NXPH1: variants seen among roughly 807,000 people sequenced by gnomAD.
NXPH1 encodes neurexophilin-1.
Under a neutral mutation model 23.7 loss-of-function variants are expected in NXPH1, and 5 were observed. The ratio of observed to expected loss-of-function variants is 0.21; its 90% confidence interval spans 0.11 to 0.44. NXPH1 has a LOEUF of 0.44. Among genes scored for constraint, NXPH1 ranks in the 20% least tolerant of loss-of-function variants. NXPH1 has a pLI of 0.99. For synonymous variants in NXPH1, 144 were observed against 122.2 expected, an observed-to-expected ratio of 1.18 and a Z score of -1.18; for missense variants, 324 against 321.6, an observed-to-expected ratio of 1.01 and a Z score of -0.06.
At chr7:8,715,676 G>A (rs190443848) in intron 2 of NXPH1, among the ~76,000 whole-genome samples, 10 of 152,288 alleles carry the variant, frequency 6.6e-5, no homozygotes, top group African/African-American at 2.2e-4. Flanking sequence ...GAGCCACTAG[G>A]GTTGTGGAGA....
At chr7:8,481,634 A>C (rs966755672) in intron 2 of NXPH1, among the ~76,000 whole-genome samples, 1 of 152,182 alleles carries the variant, frequency 6.6e-6, no homozygotes, top group Non-Finnish European at 1.5e-5. Flanking sequence ...CAAAATAAAA[A>C]TGCTTTATCT....
intron 2 of NXPH1, among the ~76,000 whole-genome samples, chr7:8,651,394 C>T (rs1820490726): frequency 7.7e-6 from 1 of 130,412 alleles, no homozygotes; most frequent in Non-Finnish European, 1.6e-5. Context: ...GGGTTGGTTC[C>T]AAGTCTTTGC....
At chr7:8,494,680 C>T (rs1194112795) in intron 2 of NXPH1, among the ~76,000 whole-genome samples, 1 of 152,074 alleles carries the variant, frequency 6.6e-6, no homozygotes, top group Non-Finnish European at 1.5e-5. Context: ...TTGTGCAGTA[C>T]AACCAATTGG....
chr7:8,697,143 G>A (rs1779541132), intron 2 of NXPH1, among the ~76,000 whole-genome samples: 1 of 128,894 alleles, frequency 7.8e-6, no homozygotes. Context: ...GGGTGACAGG[G>A]AAAGATTCTG....
rs2128603331 is a variant in NXPH1, at chr7:8,435,540, G to C, written c.-110-64G>C. ...CTCCCCGCTACGACCCCCTTTCCCC[G>C]CTTGATTGTCAAGCCTAACCTTGCC... On this transcript the variant is annotated intron_variant, in intron 1 of 2. Coordinates refer to ENST00000405863, the MANE Select transcript of NXPH1 (RefSeq NM_152745.3). This position sits in a 1 kb window ranked among gnomAD's most constrained non-coding sequence, Gnocchi z 5.9. 19 of 479,532 alleles carry C rather than the reference G, an allele frequency of 4.0e-5. No homozygotes were observed. The highest frequency in any genetic ancestry group is 1.5e-4 in the South Asian group (5 of 32,652). 29.7% of individuals were successfully genotyped at this position (479,532 alleles called of 1,614,324 possible).
intron 2 of NXPH1, among the ~76,000 whole-genome samples, chr7:8,724,459 C>G (rs369215131): frequency 1.3e-5 from 2 of 152,316 alleles, no homozygotes; most frequent in African/African-American, 4.8e-5. Context: ...CCACAGTGCT[C>G]AAGGTAAAAC....
At chr7:8,548,423 T>G (rs1818227921) in intron 2 of NXPH1, among the ~76,000 whole-genome samples, 1 of 151,564 alleles carries the variant, frequency 6.6e-6, no homozygotes. Context: ...TGACAGCCAC[T>G]ATTAGGTTAT....
At chr7:8,552,254 T>C (rs2128619777) in intron 2 of NXPH1, among the ~76,000 whole-genome samples, 1 of 151,516 alleles carries the variant, frequency 6.6e-6, no homozygotes. Flanking sequence ...CAAATAATGT[T>C]CCTATGCAAT....
chr7:8,601,466 G>A (rs779105129), intron 2 of NXPH1, among the ~76,000 whole-genome samples: 4 of 152,126 alleles, frequency 2.6e-5, no homozygotes, highest in Admixed American at 6.6e-5. Flanking sequence ...AGTTCTCAGC[G>A]CTCTCTACCT....
At chr7:8,489,306 G>C (rs17149720) in intron 2 of NXPH1, among the ~76,000 whole-genome samples, 6,940 of 152,128 alleles carry the variant, frequency 0.046, 429 homozygotes, top group African/African-American at 0.14. Context: ...TAGGGAGTCT[G>C]AATTTTCATA....
chr7:8,540,104 A>G (rs904053438), intron 2 of NXPH1, among the ~76,000 whole-genome samples: 8 of 151,818 alleles, frequency 5.3e-5, no homozygotes, highest in African/African-American at 1.7e-4. Flanking sequence ...AGATCCTACA[A>G]TCTTAAAAAC....
At chr7:8,641,409 G>A (rs550803929) in intron 2 of NXPH1, among the ~76,000 whole-genome samples, 10 of 152,160 alleles carry the variant, frequency 6.6e-5, no homozygotes, top group African/African-American at 2.2e-4. Context: ...CATGGTGGGA[G>A]TATTTCTACT....
chr7:8,693,471 A>G (rs752157359), intron 2 of NXPH1, among the ~76,000 whole-genome samples: 8 of 152,212 alleles, frequency 5.3e-5, no homozygotes, highest in Admixed American at 1.3e-4. Flanking sequence ...AGATGGCTGT[A>G]TTTGACTCTA....
At chr7:8,723,293 CT>C (rs1279646927) in intron 2 of NXPH1, among the ~76,000 whole-genome samples, 4 of 152,186 alleles carry the variant, frequency 2.6e-5, no homozygotes, top group Non-Finnish European at 5.9e-5. Context: ...CTGTTCTCTG[CT>C]TCAATTCTAT....
At chr7:8,710,038 G>T (rs1277564127) in intron 2 of NXPH1, among the ~76,000 whole-genome samples, 1 of 152,212 alleles carries the variant, frequency 6.6e-6, no homozygotes, top group Non-Finnish European at 1.5e-5. Flanking sequence ...CACTGCAGGG[G>T]TCAGAAAAGA....
At chr7:8,624,333 G>C (rs1819942918) in intron 2 of NXPH1, among the ~76,000 whole-genome samples, 1 of 152,126 alleles carries the variant, frequency 6.6e-6, no homozygotes, top group Non-Finnish European at 1.5e-5. Context: ...CTTTCCAATT[G>C]AACCTTGTTG....
chr7:8,736,949 CCCTA>C (rs1780268113), intron 2 of NXPH1, among the ~76,000 whole-genome samples: 1 of 149,614 alleles, frequency 6.7e-6, no homozygotes, highest in Non-Finnish European at 1.5e-5. Context: ...GGATTGCAAC[CCCTA>C]CCTTTTTTTT....
Position 8,435,775 on chromosome 7 carries a change from T to C in NXPH1, c.54+8T>C. ...CAGCCCACCGTCTACTTGGTAAGTC[T>C]TGGAAGGTTCGGGGCTTTCGCATTT... On this transcript the variant is annotated splice_region_variant and intron_variant, in intron 2 of 2. Transcript: ENST00000405863. This position sits in a 1 kb window ranked among gnomAD's most constrained non-coding sequence, Gnocchi z 5.9. The C allele has an allele frequency of 6.2e-7, 1 of 1,613,842 alleles. No individual in the cohort carries two copies. Among genetic ancestry groups the C allele is most frequent in the Non-Finnish European group, 8.5e-7 (1 of 1,179,808 alleles).
chr7:8,640,768 A>T (rs1208164581), intron 2 of NXPH1, among the ~76,000 whole-genome samples: 1 of 152,068 alleles, frequency 6.6e-6, no homozygotes, highest in Non-Finnish European at 1.5e-5. Flanking sequence ...ACTAGCCTGG[A>T]CAACATAGGG....
Sources: allele counts gnomAD v4.1 joint callset (sites outside exome capture counted in the v4.1 genomes callset), GRCh38; gene constraint gnomAD v4.1.1; non-coding constraint Gnocchi (gnomAD v3.1); transcripts MANE v1.5; gene names NCBI Gene and HGNC (gene_info 2026-07-23, HGNC 2026-07-21).